Variants in RANBP2 observed in about 807,000 individuals in gnomAD.
The protein encoded by RANBP2 is E3 SUMO-protein ligase RanBP2.
In RANBP2, 57 loss-of-function variants were observed where a neutral mutation model predicts 303.6. That is an observed-to-expected ratio of 0.19 (90% confidence interval 0.15 to 0.23). The LOEUF is 0.23. Ranked by LOEUF, RANBP2 falls within the 10% of genes least tolerant of loss-of-function variation. The probability of loss-of-function intolerance (pLI) is 1.00; values close to 1 mark genes in which losing one functional copy is unlikely to be tolerated. For missense variants in RANBP2, 3,138 were observed against 3,780.8 expected, an observed-to-expected ratio of 0.83 and a Z score of 4.46; for synonymous variants, 1,167 against 1,301.5, an observed-to-expected ratio of 0.90 and a Z score of 2.23.
the RANBP2 span, among the ~76,000 whole-genome samples, chr2:109,150,993 A>G: frequency 9.9e-3 from 1,502 of 152,270 alleles, 23 homozygotes; most frequent in African/African-American, 0.034. Flanking sequence ...CATTGCTGAA[A>G]CATTGATGAA....
chr2:109,038,957 A>G, the RANBP2 span, among the ~76,000 whole-genome samples: 587 of 152,336 alleles, frequency 3.9e-3, 3 homozygotes, highest in Middle Eastern at 0.01. Flanking sequence ...TATGTGTCCA[A>G]TTGGCTAGGC....
the RANBP2 span, chr2:108,897,233 C>T: frequency 6.2e-7 from 1 of 1,613,444 alleles, no homozygotes; most frequent in Non-Finnish European, 8.5e-7. Flanking sequence ...CTAAGACCTA[C>T]AGACACCAAT....
At chr2:109,469,426 G>A in the RANBP2 span, among the ~76,000 whole-genome samples, 1 of 152,170 alleles carries the variant, frequency 6.6e-6, no homozygotes, top group Non-Finnish European at 1.5e-5. Context: ...GCATGCATCC[G>A]CTGCTCTGTC....
At chr2:108,829,716 A>G in the RANBP2 span, among the ~76,000 whole-genome samples, 6 of 152,352 alleles carry the variant, frequency 3.9e-5, no homozygotes, top group Admixed American at 2.6e-4. Context: ...ACCACACTAC[A>G]GCCTGGGAGA....
At chr2:108,978,746 T>G in the RANBP2 span, among the ~76,000 whole-genome samples, 1 of 152,088 alleles carries the variant, frequency 6.6e-6, no homozygotes, top group Non-Finnish European at 1.5e-5. Context: ...CGTGCAGGTT[T>G]TGGTATGGAG....
At chr2:109,146,769 C>T in the RANBP2 span, among the ~76,000 whole-genome samples, 22 of 148,414 alleles carry the variant, frequency 1.5e-4, no homozygotes, top group Middle Eastern at 3.5e-3. Context: ...CGAAAACTTG[C>T]GGATCTCTCC....
At chr2:109,530,511 C>T in the RANBP2 span, among the ~76,000 whole-genome samples, 1 of 152,084 alleles carries the variant, frequency 6.6e-6, no homozygotes, top group Non-Finnish European at 1.5e-5. Context: ...GAAAGTAGTG[C>T]AATAAGAAAA....
chr2:108,826,990 C>G, the RANBP2 span, among the ~76,000 whole-genome samples: 1 of 152,064 alleles, frequency 6.6e-6, no homozygotes, highest in Admixed American at 6.5e-5. Context: ...TATTTTTATT[C>G]TTTTTGATGA....
chr2:109,183,256 TCAGTTGA>T, the RANBP2 span, among the ~76,000 whole-genome samples: 6 of 152,226 alleles, frequency 3.9e-5, no homozygotes, highest in Admixed American at 1.3e-4. Flanking sequence ...GAGATGACTA[TCAGTTGA>T]GTTAGTTTCA....
At chr2:109,484,035 G>A in the RANBP2 span, among the ~76,000 whole-genome samples, 1 of 148,920 alleles carries the variant, frequency 6.7e-6, no homozygotes, top group Non-Finnish European at 1.5e-5. Flanking sequence ...GTTGGCCCTA[G>A]AGGCACCAAG....
the RANBP2 span, among the ~76,000 whole-genome samples, chr2:108,865,078 C>G: frequency 1.3e-5 from 2 of 152,074 alleles, no homozygotes; most frequent in East Asian, 3.8e-4. Flanking sequence ...GACACACACA[C>G]AAATACATAC....
At chr2:109,497,143 C>G in the RANBP2 span, among the ~76,000 whole-genome samples, 1 of 152,196 alleles carries the variant, frequency 6.6e-6, no homozygotes, top group Non-Finnish European at 1.5e-5. Context: ...GATGCCACTA[C>G]ATTTATGGTC....
chr2:109,155,873 A>G, the RANBP2 span, among the ~76,000 whole-genome samples: 1 of 152,200 alleles, frequency 6.6e-6, no homozygotes, highest in Non-Finnish European at 1.5e-5. Flanking sequence ...CTATTTTGGT[A>G]GCTGTCTTTC....
At chr2:109,188,625 C>A in the RANBP2 span, among the ~76,000 whole-genome samples, 1 of 152,178 alleles carries the variant, frequency 6.6e-6, no homozygotes, top group Non-Finnish European at 1.5e-5. Context: ...GGTGAGGGTG[C>A]AGTCATCCAC....
the RANBP2 span, among the ~76,000 whole-genome samples, chr2:109,225,877 CCT>C: frequency 2.6e-5 from 4 of 152,194 alleles, no homozygotes; most frequent in Non-Finnish European, 5.9e-5. Flanking sequence ...GTGATCCTCC[CCT>C]CTCAGCCTCC....
the RANBP2 span, among the ~76,000 whole-genome samples, chr2:109,022,218 G>A: frequency 6.6e-6 from 1 of 152,200 alleles, no homozygotes; most frequent in African/African-American, 2.4e-5. Flanking sequence ...GCGAAGTGGG[G>A]TGCCTGCAGT....
chr2:109,387,399 A>G, the RANBP2 span, among the ~76,000 whole-genome samples: 1 of 152,164 alleles, frequency 6.6e-6, no homozygotes, highest in African/African-American at 2.4e-5. Context: ...CTTCAGCACT[A>G]GTTGACCCCA....
the RANBP2 span, among the ~76,000 whole-genome samples, chr2:109,255,341 G>T: frequency 6.6e-6 from 1 of 152,278 alleles, no homozygotes; most frequent in East Asian, 1.9e-4. Flanking sequence ...GCTACTCTAA[G>T]AATACAGAGC....
chr2:108,788,426 A>G (rs1228564816), downstream of RANBP2, among the ~76,000 whole-genome samples: 1 of 150,082 alleles, frequency 6.7e-6, no homozygotes, highest in African/African-American at 2.5e-5. Flanking sequence ...GTCTCAAAAA[A>G]GAAAAAAATA....
Sources: gnomAD v4.1 joint callset for allele counts (sites outside exome capture counted in the v4.1 genomes callset) on GRCh38, gnomAD v4.1.1 for gene constraint, MANE v1.5 for transcripts, NCBI Gene and HGNC (gene_info 2026-07-23, HGNC 2026-07-21) for gene names.